The following IGF1R variants were observed in gnomAD, a reference collection of about 807,000 sequenced individuals.
IGF1R encodes the protein insulin-like growth factor 1 receptor.
In IGF1R, 44 loss-of-function variants were observed where a neutral mutation model predicts 144.6. The ratio of observed to expected loss-of-function variants is 0.30; its 90% confidence interval spans 0.24 to 0.39. The LOEUF is 0.39. IGF1R is among the 10% of genes least tolerant of loss of function. IGF1R has a pLI of 1.00. For synonymous variants in IGF1R, 795 were observed against 722.8 expected (o/e 1.10, Z -1.60); for missense variants, 1,355 against 1,833.7 (o/e 0.74, Z 4.77).
chr15:98,904,088 T>A (rs200663333), intron 5 of IGF1R, among the ~76,000 whole-genome samples: 1 of 145,860 alleles, frequency 6.9e-6, no homozygotes, highest in Non-Finnish European at 1.5e-5. Context: ...AGTCTCACTC[T>A]GTCACCCAGG....
chr15:98,801,772 C>T (rs2056368839), intron 2 of IGF1R, among the ~76,000 whole-genome samples: 1 of 152,214 alleles, frequency 6.6e-6, no homozygotes, highest in African/African-American at 2.4e-5. Context: ...ACATTGAGAA[C>T]AGAGACGACC....
intron 2 of IGF1R, among the ~76,000 whole-genome samples, chr15:98,757,214 A>T (rs2055177256): frequency 6.6e-6 from 1 of 151,832 alleles, no homozygotes; most frequent in African/African-American, 2.4e-5. Context: ...CAGGCTGTGT[A>T]GTGCAGTGGC....
chr15:98,763,204 G>C (rs2055351134), intron 2 of IGF1R, among the ~76,000 whole-genome samples: 1 of 152,168 alleles, frequency 6.6e-6, no homozygotes, highest in Non-Finnish European at 1.5e-5. Context: ...ATGCCATTTT[G>C]ATAAGCTCTT....
At chr15:98,852,282 G>A (rs1205378985) in intron 2 of IGF1R, among the ~76,000 whole-genome samples, 1 of 152,054 alleles carries the variant, frequency 6.6e-6, no homozygotes, top group Non-Finnish European at 1.5e-5. Flanking sequence ...AGGGGCTGAG[G>A]CTCCTTTTGT....
intron 2 of IGF1R, among the ~76,000 whole-genome samples, chr15:98,827,629 C>T (rs532977550): frequency 2.0e-5 from 3 of 152,204 alleles, no homozygotes; most frequent in Non-Finnish European, 4.4e-5. Flanking sequence ...AGTTAACAAT[C>T]GGAAGTGCAG....
intron 2 of IGF1R, among the ~76,000 whole-genome samples, chr15:98,806,366 A>G (rs1458306281): frequency 1.3e-5 from 2 of 152,198 alleles, no homozygotes; most frequent in Non-Finnish European, 1.5e-5. Context: ...GTGGTGTCCA[A>G]GCTGACTTGG....
Position 98,812,652 on chromosome 15 carries a change from C to T in IGF1R, c.641-78673C>T, listed in dbSNP as rs2056615706. Among the ~76,000 whole-genome samples the T allele has an allele frequency of 2.0e-5, 3 of 152,244 alleles. No homozygotes were observed. In the South Asian group the frequency reaches 6.2e-4, roughly 32 times the overall value. On this transcript the variant is annotated intron_variant, in intron 2 of 20. Coordinates refer to ENST00000650285, the MANE Select transcript of IGF1R (RefSeq NM_000875.5). ...GGATTACAGGCGTGAACCACCGTGC[C>T]CGGCCAAAAAAGCTTTTGAAAACTT...
At chr15:98,652,181 A>G (rs140439870) in intron 1 of IGF1R, among the ~76,000 whole-genome samples, 34 of 152,346 alleles carry the variant, frequency 2.2e-4, no homozygotes, top group Admixed American at 1.6e-3. Flanking sequence ...TTTGTTTTGT[A>G]TCACCATAAT....
chr15:98,664,588 C>T (rs1451490043), intron 1 of IGF1R, among the ~76,000 whole-genome samples: 2 of 147,544 alleles, frequency 1.4e-5, no homozygotes, highest in African/African-American at 5.2e-5. Flanking sequence ...TCACTTGAAC[C>T]TGGGAGGTGG....
chr15:98,789,559 A>G (rs1170588758), intron 2 of IGF1R, among the ~76,000 whole-genome samples: 2 of 152,206 alleles, frequency 1.3e-5, no homozygotes, highest in African/African-American at 4.8e-5. Context: ...TGAAAATGTT[A>G]TACCTTACAA....
chr15:98,795,572 C>T (rs189482615), intron 2 of IGF1R, among the ~76,000 whole-genome samples: 3 of 152,014 alleles, frequency 2.0e-5, no homozygotes, highest in Admixed American at 2.0e-4. Context: ...CCGCAACCAC[C>T]CCTGGTTAAT....
At chr15:98,797,057 C>T (rs902940822) in intron 2 of IGF1R, among the ~76,000 whole-genome samples, 11 of 152,210 alleles carry the variant, frequency 7.2e-5, no homozygotes, top group African/African-American at 2.7e-4. Flanking sequence ...GATGGCTGCC[C>T]CATCTGCCCT....
At chr15:98,933,567 G>A (rs777174080) in intron 15 of IGF1R, among the ~76,000 whole-genome samples, 95 of 152,096 alleles carry the variant, frequency 6.2e-4, no homozygotes, top group Non-Finnish European at 1.2e-3. Flanking sequence ...AAATTCCTGG[G>A]CTCAAGCGAT....
intron 11 of IGF1R, among the ~76,000 whole-genome samples, chr15:98,923,282 C>T (rs992462380): frequency 2.6e-5 from 4 of 152,266 alleles, no homozygotes; most frequent in Admixed American, 2.6e-4. Context: ...GAGTTGGTGC[C>T]GGCAGGGAGG....
intron 7 of IGF1R, among the ~76,000 whole-genome samples, chr15:98,912,773 T>C (rs537483010): frequency 1.3e-5 from 2 of 152,358 alleles, no homozygotes; most frequent in East Asian, 3.9e-4. Context: ...GAAAAATAGT[T>C]TTTGCATATG....
At chr15:98,875,038 G>GTA (rs2012985433) in intron 2 of IGF1R, among the ~76,000 whole-genome samples, 1 of 152,214 alleles carries the variant, frequency 6.6e-6, no homozygotes, top group Admixed American at 6.5e-5. Context: ...TTCTCTGTGA[G>GTA]TAAAACACAA....
At chr15:98,709,455 G>C (rs993784475) in intron 2 of IGF1R, among the ~76,000 whole-genome samples, 1 of 152,228 alleles carries the variant, frequency 6.6e-6, no homozygotes, top group African/African-American at 2.4e-5. Context: ...ATGCAGTCAG[G>C]CCACTTTAAG....
intron 2 of IGF1R, among the ~76,000 whole-genome samples, chr15:98,778,703 T>C (rs555235651): frequency 5.9e-4 from 90 of 152,324 alleles, no homozygotes; most frequent in Admixed American, 1.8e-3. Flanking sequence ...GTGGTCCCTT[T>C]TGTGTCTGTC....
At chr15:98,948,497 G>A in intron 19 of IGF1R, 77 bp from the exon 20 acceptor site, 1 of 1,461,102 alleles carries the variant, frequency 6.8e-7, no homozygotes, top group Non-Finnish European at 9.6e-7. Context: ...CGGGATGTAA[G>A]AAGTGCTGGA....
Sources: allele counts gnomAD v4.1 joint callset (sites outside exome capture counted in the v4.1 genomes callset), GRCh38; gene constraint gnomAD v4.1.1; transcripts MANE v1.5; gene names NCBI Gene and HGNC (gene_info 2026-07-23, HGNC 2026-07-21).